Variants in ZNF540 observed in about 807,000 individuals in gnomAD.
The protein encoded by ZNF540 is CTD-3064H18.6.
Under a neutral mutation model 11.8 loss-of-function variants are expected in ZNF540, and 3 were observed. The ratio of observed to expected loss-of-function variants is 0.25; its 90% CI spans 0.12 to 0.65. ZNF540 has a LOEUF of 0.65. Ranked by LOEUF, ZNF540 falls within the 30% of genes least tolerant of loss-of-function variation. The pLI, the probability that ZNF540 is intolerant of heterozygous loss-of-function variation, is 0.83. For missense variants in ZNF540, 709 were observed against 793.1 expected (o/e 0.89, Z 1.27); for synonymous variants, 247 against 259.0 (o/e 0.95, Z 0.45).
At chr19:37,585,168 T>C (rs1045053522) in intron 1 of ZNF540, 2 of 152,180 alleles carry the variant, frequency 1.3e-5, no homozygotes, top group Non-Finnish European at 2.9e-5. Flanking sequence ...CAAGGTGAAC[T>C]TGACTATGAT....
chr19:37,590,431 G>GA (rs142347588), upstream of ZNF540, among the ~76,000 whole-genome samples: 7 of 149,620 alleles, frequency 4.7e-5, no homozygotes, highest in East Asian at 3.9e-4. Flanking sequence ...AAAAGAAGAA[G>GA]AAAAAAAAAG....
chr19:37,564,708 T>G, intron 1 of ZNF540: 3 of 1,613,602 alleles, frequency 1.9e-6, no homozygotes, highest in Non-Finnish European at 2.5e-6. Context: ...TGATGCAGAG[T>G]AAGTTCTGAG....
intron 1 of ZNF540, among the ~76,000 whole-genome samples, chr19:37,589,596 A>T (rs1165330002): frequency 6.6e-6 from 1 of 152,146 alleles, no homozygotes. Flanking sequence ...TATCATTAAG[A>T]TCCTACTGGA....
intron 1 of ZNF540, chr19:37,564,487 G>T: frequency 1.0e-6 from 1 of 959,768 alleles, no homozygotes; most frequent in Non-Finnish European, 1.4e-6. Flanking sequence ...CCATGTTAAT[G>T]TAGGCCTTCT....
chr19:37,599,550 C>A (rs2044023027), intron 2 of ZNF540, 76 bp from the exon 3 acceptor site: 1 of 1,585,052 alleles, frequency 6.3e-7, no homozygotes, highest in African/African-American at 1.3e-5. Context: ...TGCAATGAAA[C>A]CTTTTATCTC....
In ZNF540 at chr19:37,612,071, T is replaced by C; in HGVS notation, c.791T>C (p.Ile264Thr). 1 of 1,611,752 alleles carries C rather than the reference T, an allele frequency of 6.2e-7. No homozygotes were observed. The highest frequency in any genetic ancestry group is 1.1e-5 in the South Asian group (1 of 90,634). Residue 264 changes from isoleucine (I) to threonine (T), a missense_variant, in exon 5 of 5, where the codon ATT (isoleucine) becomes ACT (threonine). Coordinates refer to ENST00000316433, the MANE Select transcript of ZNF540 (RefSeq NM_001172225.3). ...LYPQLNRHQK[I>T]HTGKKPYMCK... Reference sequence around the variant, plus strand: ...CCACAACTTAATCGACATCAGAAAATTCACACTGGTAAAAAACCCTATATG... The same window carrying C: ...CCACAACTTAATCGACATCAGAAAACTCACACTGGTAAAAAACCCTATATG...
intron 1 of ZNF540, among the ~76,000 whole-genome samples, chr19:37,566,679 T>C (rs1041052706): frequency 6.6e-6 from 1 of 152,160 alleles, no homozygotes; most frequent in South Asian, 2.1e-4. Flanking sequence ...ACTACCACCA[T>C]CCTAGGCCAA....
chr19:37,565,909 C>A, intron 1 of ZNF540: 1 of 1,613,778 alleles, frequency 6.2e-7, no homozygotes, highest in African/African-American at 1.3e-5. Context: ...TAAAGGTATT[C>A]CTGTGTTTCT....
chr19:37,582,257 G>T (rs2147193718), intron 1 of ZNF540, among the ~76,000 whole-genome samples: 1 of 152,130 alleles, frequency 6.6e-6, no homozygotes, highest in African/African-American at 2.4e-5. Flanking sequence ...CCTTGTCAGG[G>T]TCACCAACAC....
rs1310165266 is a variant in ZNF540 at position 37,611,614 on chromosome 19, C to T, written c.334C>T (p.Arg112Cys). The change falls in exon 5 of 5, where the codon CGT (arginine) becomes TGT (cysteine). Residue 112 changes from arginine (R) to cysteine (C), a missense_variant. By Grantham distance (180) the Arg-to-Cys change is radical. Transcript: ENST00000316433. ...ESIIEKSKTLRLKGSIFRNEW... is the reference protein window; with the variant it reads ...ESIIEKSKTLCLKGSIFRNEW... ...TATAATAGAAAAAAGTAAAACTCTT[C>T]GTCTGAAAGGATCCATTTTTAGAAA... is the stretch of plus-strand genomic sequence containing the variant. 8 of 1,613,726 alleles carry T rather than the reference C, an allele frequency of 5.0e-6. No individual in the cohort carries two copies. The highest frequency in any genetic ancestry group is 1.1e-5 in the South Asian group (1 of 91,054).
At chr19:37,604,934 T>C (rs1281190031) in intron 4 of ZNF540, among the ~76,000 whole-genome samples, 2 of 152,262 alleles carry the variant, frequency 1.3e-5, no homozygotes, top group Non-Finnish European at 2.9e-5. Context: ...CTGATATTTA[T>C]GCGATTCATC....
At chr19:37,562,408 ATGTAT>A (rs935718720) in intron 1 of ZNF540, 1 of 152,198 alleles carries the variant, frequency 6.6e-6, no homozygotes, top group Non-Finnish European at 1.5e-5. Flanking sequence ...AAAAAAGATA[ATGTAT>A]TAGAAGACAA....
intron 1 of ZNF540, chr19:37,555,466 T>G: frequency 5.6e-6 from 1 of 177,108 alleles, no homozygotes; most frequent in Non-Finnish European, 1.2e-5. Flanking sequence ...AATAGTATGA[T>G]GAGGAGAGGT....
At chr19:37,557,577 GCTGCTACCGT>G (rs1433391115) in intron 1 of ZNF540, among the ~76,000 whole-genome samples, 1 of 152,176 alleles carries the variant, frequency 6.6e-6, no homozygotes, top group East Asian at 1.9e-4. Flanking sequence ...GCTCGAGAAA[GCTGCTACCGT>G]CTGTGAACAC....
chr19:37,591,637 C>T (rs1395291211), upstream of ZNF540, among the ~76,000 whole-genome samples: 2 of 152,166 alleles, frequency 1.3e-5, no homozygotes, highest in South Asian at 2.1e-4. Flanking sequence ...CTCGGCCTCC[C>T]GGGTTCAAAT....
In ZNF540 at chr19:37,569,332, G is replaced by A. The variant is rs912846373; in HGVS notation, c.-73+17667G>A. Among the ~76,000 whole-genome samples, 3 of 152,132 alleles carry A rather than the reference G, an allele frequency of 2.0e-5. No individual in the cohort carries two copies. Among genetic ancestry groups the A allele is most frequent in the Admixed American group, 2.0e-4 (3 of 15,264 alleles). On this transcript the variant is annotated intron_variant, in intron 1 of 4. Transcript: ENST00000592533. The surrounding 1 kb of genome is among the most constrained non-coding windows in gnomAD (Gnocchi z 4.4). ...TGTTCTAATCTCCATCTGGCAGATAGAATGGAATAGTAAATATGAAAATCA... is the reference window on the plus strand; with the variant it reads ...TGTTCTAATCTCCATCTGGCAGATAAAATGGAATAGTAAATATGAAAATCA...
intron 1 of ZNF540, among the ~76,000 whole-genome samples, chr19:37,561,048 CAAAAAAAA>C (rs199892724): frequency 1.0e-3 from 75 of 73,776 alleles, no homozygotes; most frequent in East Asian, 5.4e-3. Flanking sequence ...CCTGTCTCTA[CAAAAAAAA>C]AAAAAAAAAA....
intron 1 of ZNF540, among the ~76,000 whole-genome samples, chr19:37,558,401 C>T (rs780673494): frequency 2.6e-5 from 4 of 151,988 alleles, no homozygotes; most frequent in African/African-American, 4.8e-5. Context: ...TTTCGGGGGC[C>T]GCTGGGTCAA....
At chr19:37,589,192 C>A (rs1337856237) in intron 1 of ZNF540, among the ~76,000 whole-genome samples, 2 of 117,070 alleles carry the variant, frequency 1.7e-5, no homozygotes, top group Non-Finnish European at 3.5e-5. Context: ...AAGAGCCAAA[C>A]TCCGTCTCAA....
Sources: gnomAD v4.1 joint callset for allele counts (sites outside exome capture counted in the v4.1 genomes callset) on GRCh38, gnomAD v4.1.1 for gene constraint, Gnocchi (gnomAD v3.1) non-coding constraint, MANE v1.5 for transcripts, NCBI Gene and HGNC (gene_info 2026-07-23, HGNC 2026-07-21) for gene names.